The following TIAM1 variants were observed in gnomAD, a reference collection of about 807,000 sequenced individuals.
TIAM1 encodes TIAM Rac1 associated GEF 1, also known as rho guanine nucleotide exchange factor TIAM1.
A neutral mutation model predicts 163.5 loss-of-function variants in TIAM1; 65 were observed. The observed-to-expected ratio is 0.40, with a 90% CI of 0.33 to 0.49. TIAM1 has a LOEUF of 0.49. TIAM1 is among the 20% of genes least tolerant of loss of function. TIAM1 has a pLI of 0.77. For missense variants in TIAM1, 1,789 were observed against 2,044.7 expected (o/e 0.87, Z 2.41); for synonymous variants, 833 against 810.1 (o/e 1.03, Z -0.48).
chr21:31,346,173 C>T (rs1333028195), upstream of TIAM1, among the ~76,000 whole-genome samples: 1 of 151,952 alleles, frequency 6.6e-6, no homozygotes, highest in Non-Finnish European at 1.5e-5. Flanking sequence ...AAAGAATTAT[C>T]CAGCCACAAA....
intron 2 of TIAM1, among the ~76,000 whole-genome samples, chr21:31,325,608 C>G (rs539350845): frequency 6.8e-6 from 1 of 147,232 alleles, no homozygotes; most frequent in Non-Finnish European, 1.5e-5. Flanking sequence ...GCAGAGGTTG[C>G]AGTGAGCCAA....
chr21:31,520,318 C>T (rs1275402060), intron 1 of TIAM1, among the ~76,000 whole-genome samples: 1 of 146,470 alleles, frequency 6.8e-6, no homozygotes, highest in Non-Finnish European at 1.5e-5. Context: ...GCAACAAGAG[C>T]TAAACTCTGT....
intron 15 of TIAM1, among the ~76,000 whole-genome samples, chr21:31,174,387 C>T (rs1490345093): frequency 6.6e-6 from 1 of 152,204 alleles, no homozygotes; most frequent in Non-Finnish European, 1.5e-5. Flanking sequence ...GCTTAATCTA[C>T]TTCCTGCAGG....
chr21:31,362,291 G>A (rs2076419533), intron 2 of TIAM1, among the ~76,000 whole-genome samples: 1 of 151,938 alleles, frequency 6.6e-6, no homozygotes, highest in African/African-American at 2.4e-5. Context: ...ATGAGTTATG[G>A]ACATGACAAT....
chr21:31,139,497 T>C lies in TIAM1; in HGVS notation c.3774+1621A>G, dbSNP rs1228213957. 2.6e-5 allele frequency among the ~76,000 whole-genome samples: 4 copies of C among 152,178 alleles called. No homozygotes were observed. In the South Asian group the frequency reaches 6.2e-4, roughly 24 times the overall value. ...TTCAAGATATAACTAAACATATACA[T>C]AGATATTAATTTAAAACAATCAAAA... is the stretch of plus-strand genomic sequence containing the variant. On this transcript the variant is annotated intron_variant, in intron 22 of 27. Coordinates refer to ENST00000541036, the MANE Select transcript of TIAM1 (RefSeq NM_001353694.2).
intron 2 of TIAM1, among the ~76,000 whole-genome samples, chr21:31,318,280 T>C (rs934654905): frequency 3.9e-5 from 6 of 152,306 alleles, no homozygotes; most frequent in East Asian, 3.9e-4. Flanking sequence ...GTATTTTTCA[T>C]AGAGACAGGA....
At chr21:31,185,050 G>T (rs2085214743) in intron 14 of TIAM1, among the ~76,000 whole-genome samples, 1 of 152,086 alleles carries the variant, frequency 6.6e-6, no homozygotes, top group Non-Finnish European at 1.5e-5. Context: ...TCCCTTCTCT[G>T]CTCCATTCAG....
chr21:31,440,975 A>G (rs1250919995), intron 2 of TIAM1, among the ~76,000 whole-genome samples: 1 of 152,186 alleles, frequency 6.6e-6, no homozygotes, highest in Non-Finnish European at 1.5e-5. Flanking sequence ...TCCCCATTCT[A>G]GTTCCCAGCA....
intron 2 of TIAM1, among the ~76,000 whole-genome samples, chr21:31,459,186 A>C (rs2045230526): frequency 6.6e-6 from 1 of 152,136 alleles, no homozygotes; most frequent in Non-Finnish European, 1.5e-5. Context: ...ATCAAAGCTC[A>C]CTGTGGCCTC....
chr21:31,423,648 G>T lies in TIAM1; in HGVS notation c.-369+40335C>A, dbSNP rs572586632. On this transcript the variant is annotated intron_variant, in intron 2 of 28. Coordinates refer to the TIAM1 transcript ENST00000286827. ...GGCCCTAGCCCTATAACGAACTCAT[G>T]GTGATAAATGAATCCTTCACATGTG... Among the ~76,000 whole-genome samples, 3 of 132,504 alleles carry T rather than the reference G, an allele frequency of 2.3e-5. No individual in the cohort carries two copies. In the South Asian group the frequency reaches 7.8e-4, roughly 34 times the overall value. The allele number at this position is 132,504 out of a possible 152,430, so 86.9% of individuals were successfully genotyped here. A position where few individuals can be genotyped will look rare whatever the true frequency, so the allele number is the denominator to read the frequency against.
chr21:31,178,460 C>A (rs568123808), intron 15 of TIAM1, among the ~76,000 whole-genome samples: 2 of 152,112 alleles, frequency 1.3e-5, no homozygotes, highest in African/African-American at 4.8e-5. Flanking sequence ...GCACCCGCCA[C>A]CTTGCCCAGC....
intron 1 of TIAM1, among the ~76,000 whole-genome samples, chr21:31,469,786 C>T (rs537344198): frequency 3.0e-3 from 456 of 151,732 alleles, no homozygotes; most frequent in Non-Finnish European, 5.4e-3. Context: ...GAGCCAAGAT[C>T]GCGCCACTGC....
At chr21:31,526,442 G>A (rs2147506909) in intron 1 of TIAM1, among the ~76,000 whole-genome samples, 1 of 152,274 alleles carries the variant, frequency 6.6e-6, no homozygotes, top group African/African-American at 2.4e-5. Flanking sequence ...AGTTCATTTA[G>A]CAAATTAATG....
At chr21:31,173,936 G>A (rs1446317891) in intron 15 of TIAM1, among the ~76,000 whole-genome samples, 2 of 152,174 alleles carry the variant, frequency 1.3e-5, no homozygotes, top group Non-Finnish European at 2.9e-5. Flanking sequence ...CCCGGCCATA[G>A]CAGGGCCCAC....
At chr21:31,127,574 C>T (rs1177478153) in intron 25 of TIAM1, among the ~76,000 whole-genome samples, 7 of 151,980 alleles carry the variant, frequency 4.6e-5, no homozygotes, top group African/African-American at 9.7e-5. Context: ...GTGCACCCCA[C>T]GCCCGGCTAA....
intron 1 of TIAM1, among the ~76,000 whole-genome samples, chr21:31,539,020 C>A (rs565967926): frequency 6.6e-6 from 1 of 152,260 alleles, no homozygotes; most frequent in East Asian, 1.9e-4. Flanking sequence ...CAGAGCTGGA[C>A]AGCTGGTGCG....
intron 1 of TIAM1, among the ~76,000 whole-genome samples, chr21:31,474,746 A>G (rs2045875989): frequency 6.6e-6 from 1 of 151,782 alleles, no homozygotes; most frequent in Admixed American, 6.6e-5. Flanking sequence ...GGTTTCCTCC[A>G]TGTTGGTCAG....
chr21:31,252,134 G>C lies in TIAM1; in HGVS notation c.1019C>G (p.Thr340Ser), dbSNP rs756250376. Residue 340 changes from threonine to serine, a missense_variant, in exon 5 of 28, where the codon ACT (threonine) becomes AGT (serine). Thr to Ser is a moderately conservative substitution (Grantham distance 58). Around this residue, in one of 5 missense-constraint regions of TIAM1, gnomAD observed 555 missense variants for 564.9 expected, o/e 0.98. Transcript: ENST00000541036. Reference sequence around the variant, plus strand: ...CCTGGACAGGAGGTCCGTGTCGGTAGTGGCCCCTTCAATCCCACTGTCTGC... The same window carrying C: ...CCTGGACAGGAGGTCCGTGTCGGTACTGGCCCCTTCAATCCCACTGTCTGC... ...EFADSGIEGA[T>S]TDTDLLSRRS... 3 of 1,612,138 alleles carry C rather than the reference G, an allele frequency of 1.9e-6. No homozygotes were observed. Among genetic ancestry groups the C allele is most frequent in the Non-Finnish European group, 2.5e-6 (3 of 1,180,022 alleles).
At chr21:31,463,147 C>T (rs2045395548) in intron 2 of TIAM1, among the ~76,000 whole-genome samples, 1 of 152,266 alleles carries the variant, frequency 6.6e-6, no homozygotes, top group East Asian at 1.9e-4. Flanking sequence ...TGACCTTACC[C>T]AGGAACTAAT....
Sources: allele counts gnomAD v4.1 joint callset (sites outside exome capture counted in the v4.1 genomes callset), GRCh38; gene constraint gnomAD v4.1.1; regional missense constraint gnomAD v4.1.1; transcripts MANE v1.5; gene names NCBI Gene and HGNC (gene_info 2026-07-23, HGNC 2026-07-21).